CYP2R1: variants seen among roughly 807,000 people sequenced by gnomAD.
CYP2R1 encodes the protein cytochrome P450 family 2 subfamily R member 1.
A neutral mutation model predicts 45.7 loss-of-function variants in CYP2R1; 40 were observed. The ratio of observed to expected loss-of-function variants is 0.87; its 90% CI spans 0.68 to 1.14. The LOEUF (loss-of-function observed/expected upper bound fraction) is 1.14. CYP2R1 is among the 50% of genes most tolerant of loss of function. The probability of loss-of-function intolerance (pLI) is 0.00; values close to 1 mark genes in which losing one functional copy is unlikely to be tolerated. For missense variants in CYP2R1, 605 were observed against 602.6 expected, an observed-to-expected ratio of 1.00 and a Z score of -0.04; for synonymous variants, 234 against 219.3, an observed-to-expected ratio of 1.07 and a Z score of -0.59.
intron 1 of CYP2R1, 96 bp downstream of exon 1, chr11:14,891,885 T>C: frequency 6.8e-7 from 1 of 1,464,316 alleles, no homozygotes; most frequent in Non-Finnish European, 9.2e-7. Flanking sequence ...TCCCGACTAG[T>C]CGGCCCAGGG....
chr11:14,880,422 C>G lies in CYP2R1; in HGVS notation c.714G>C (p.Leu238=). The G allele has an allele frequency of 6.2e-7, 1 of 1,613,388 alleles. No individual in the cohort carries two copies. The highest frequency in any genetic ancestry group is 2.2e-5 in the East Asian group (1 of 44,860). Residue 238 remains leucine, a synonymous_variant, in exon 3 of 5, where the codon CTG becomes CTC. Coordinates refer to ENST00000334636, the MANE Select transcript of CYP2R1 (RefSeq NM_024514.5). ...ACAGCTGTTGATGTTTTCCAAAAGGCAGGATGCCAATCCATGGAAAGGCAT... is the reference window on the plus strand; with the variant it reads ...ACAGCTGTTGATGTTTTCCAAAAGGGAGGATGCCAATCCATGGAAAGGCAT... ...LYNAFPWIGI[L]PFGKHQQLFR...
At chr11:14,889,900 G>A (rs1191392383) in intron 1 of CYP2R1, among the ~76,000 whole-genome samples, 3 of 152,090 alleles carry the variant, frequency 2.0e-5, no homozygotes, top group African/African-American at 7.2e-5. Flanking sequence ...AGGCCGAGGC[G>A]GGCAGATCAC....
chr11:14,891,986 C>G lies in CYP2R1; in HGVS notation c.220G>C (p.Gly74Arg). Residue 74 changes from glycine to arginine, a missense_variant, in exon 1 of 5, where the codon GGA becomes CGA. By Grantham distance (125) the Gly-to-Arg change is moderately radical. Transcript: ENST00000334636. ...VYMRKQSQVY[G>R]EIFSLDLGGI... is the part of the protein sequence containing the mutation. Reference sequence around the variant, plus strand: ...GGGGCCCGTCGGGGCTGTACCTCTCCGTACACCTGGCTCTGCTTTCTCATG... The same window carrying G: ...GGGGCCCGTCGGGGCTGTACCTCTCGGTACACCTGGCTCTGCTTTCTCATG... 4 of 1,613,190 alleles carry G rather than the reference C, an allele frequency of 2.5e-6. No individual in the cohort carries two copies. Among genetic ancestry groups the G allele is most frequent in the East Asian group, 2.2e-5 (1 of 44,846 alleles).
intron 1 of CYP2R1, chr11:14,887,411 T>TACCCA (rs1848662621): frequency 5.7e-6 from 1 of 176,174 alleles, no homozygotes; most frequent in African/African-American, 2.4e-5. Context: ...AAATTTTTAC[T>TACCCA]TGAACTAGTA....
intron 3 of CYP2R1, among the ~76,000 whole-genome samples, chr11:14,879,724 T>C (rs1848302517): frequency 2.0e-5 from 3 of 152,182 alleles, no homozygotes; most frequent in Admixed American, 2.0e-4. Flanking sequence ...AAATATATGC[T>C]ATATATCTTG....
At chr11:14,886,725 A>G (rs1402471958) in intron 1 of CYP2R1, 1 of 152,322 alleles carries the variant, frequency 6.6e-6, no homozygotes, top group Non-Finnish European at 1.5e-5. Flanking sequence ...GCTTATTGCC[A>G]TCCTTTCAGG....
chr11:14,883,505 C>T (rs1250069877), intron 2 of CYP2R1, among the ~76,000 whole-genome samples: 1 of 151,138 alleles, frequency 6.6e-6, no homozygotes, highest in African/African-American at 2.4e-5. Context: ...AACTGGATCC[C>T]TTCCTTACAC....
intron 1 of CYP2R1, among the ~76,000 whole-genome samples, chr11:14,889,711 C>G (rs1555015935): frequency 6.6e-6 from 1 of 152,156 alleles, no homozygotes; most frequent in East Asian, 1.9e-4. Context: ...TACCGAGTGT[C>G]TTTCAGTTCA....
intron 3 of CYP2R1, 110 bp downstream of exon 3, chr11:14,880,025 TG>T: frequency 9.9e-7 from 1 of 1,012,474 alleles, no homozygotes; most frequent in Non-Finnish European, 1.5e-6. Context: ...TATACTTGGC[TG>T]GCATCGCAGG....
chr11:14,885,864 A>G lies in CYP2R1; in HGVS notation c.279T>C (p.Asp93=), dbSNP rs1848597643. ...GISTVVLNGY[D]VVKECLVHQS... ...GATGAACAAGGCATTCCTTTACTAC[A>G]TCATAGCCATTTAGAACCACAGTTG... The change falls in exon 2 of 5, where the codon GAT becomes GAC. Residue 93 remains aspartate, a synonymous_variant. Coordinates refer to ENST00000334636, the MANE Select transcript of CYP2R1 (RefSeq NM_024514.5). The G allele has an allele frequency of 1.2e-6, 2 of 1,613,548 alleles. No individual in the cohort carries two copies. The highest frequency in any genetic ancestry group is 1.7e-5 in the Admixed American group (1 of 59,960).
At chr11:14,889,164 G>GT (rs11410959) in intron 1 of CYP2R1, among the ~76,000 whole-genome samples, 55,765 of 140,036 alleles carry the variant, frequency 0.4, 11,645 homozygotes, top group South Asian at 0.5. Context: ...AAGTCCAGTT[G>GT]TTTTTTTTTT....
At chr11:14,885,950 G>A (rs1555014428) in intron 1 of CYP2R1, 33 bp from the exon 2 acceptor site, 1 of 1,605,082 alleles carries the variant, frequency 6.2e-7, no homozygotes. Flanking sequence ...ACATTTAAAT[G>A]ACAGCATGTA....
intron 1 of CYP2R1, chr11:14,890,472 A>G: frequency 1.0e-6 from 1 of 975,834 alleles, no homozygotes; most frequent in Non-Finnish European, 1.2e-6. Context: ...AACGTAAACT[A>G]TTCGTGAACC....
chr11:14,883,777 C>A (rs1565182425), intron 2 of CYP2R1, among the ~76,000 whole-genome samples: 1 of 152,036 alleles, frequency 6.6e-6, no homozygotes, highest in Non-Finnish European at 1.5e-5. Context: ...ATTTTTGCAA[C>A]CTACTCATCT....
chr11:14,889,814 A>C (rs1415785811), intron 1 of CYP2R1, among the ~76,000 whole-genome samples: 1 of 152,200 alleles, frequency 6.6e-6, no homozygotes, highest in African/African-American at 2.4e-5. Flanking sequence ...GAGGTCGAAC[A>C]AATGTGTTCT....
In CYP2R1 at chr11:14,880,659, C is replaced by T; in HGVS notation, c.477G>A (p.Leu159=). The change falls in exon 3 of 5, where the codon TTG becomes TTA. Residue 159 remains leucine (L), a synonymous_variant. Coordinates refer to ENST00000334636, the MANE Select transcript of CYP2R1 (RefSeq NM_024514.5). ...CATCATTGAAAAATTTGGTTTCTTC[C>T]AAGATTTTAGATTCAAAAGACTTTT... ...YGQKSFESKI[L]EETKFFNDAI... 2 of 1,597,600 alleles carry T rather than the reference C, an allele frequency of 1.3e-6. No homozygotes were observed. Among genetic ancestry groups the T allele is most frequent in the Non-Finnish European group, 1.7e-6 (2 of 1,173,828 alleles).
chr11:14,890,537 C>CTTTTTTTTTTTTTTT (rs71044028), intron 1 of CYP2R1: 2 of 64,272 alleles, frequency 3.1e-5, no homozygotes, highest in African/African-American at 1.4e-4. Context: ...TAGACCAATT[C>CTTTTTTTTTTTTTTT]TTTTTTTTTT....
chr11:14,880,679 A>T lies in CYP2R1; in HGVS notation c.457T>A (p.Ser153Thr). 6.3e-7 allele frequency: 1 copy of T among 1,595,366 alleles called. No homozygotes were observed. Residue 153 changes from serine (S) to threonine (T), a missense_variant, in exon 3 of 5, where the codon TCT (serine) becomes ACT (threonine). Transcript: ENST00000334636. ...TCTTCCAAGATTTTAGATTCAAAAG[A>T]CTTTTGGCCATATCCAAAATATCGA... ...SFRYFGYGQK[S>T]FESKILEETK...
intron 1 of CYP2R1, chr11:14,890,803 C>T (rs1848820254): frequency 2.2e-6 from 2 of 928,334 alleles, no homozygotes; most frequent in African/African-American, 3.6e-5. Context: ...CCGCCTCGGC[C>T]TCCTAAAGTG....
Sources: allele counts gnomAD v4.1 joint callset (sites outside exome capture counted in the v4.1 genomes callset), GRCh38; gene constraint gnomAD v4.1.1; transcripts MANE v1.5; gene names NCBI Gene and HGNC (gene_info 2026-07-23, HGNC 2026-07-21).